Variants in KLHL2 observed in about 807,000 individuals in gnomAD.
The protein encoded by KLHL2 is kelch-like protein 2.
Under a neutral mutation model 75.8 loss-of-function variants are expected in KLHL2, and 15 were observed. That is an observed-to-expected ratio of 0.20 (90% CI 0.13 to 0.30). KLHL2 has a LOEUF of 0.30. KLHL2 is among the 10% of genes least tolerant of loss of function. KLHL2 has a pLI of 1.00. For missense variants in KLHL2, 381 were observed against 741.0 expected (o/e 0.51, Z 5.64); for synonymous variants, 214 against 251.9 (o/e 0.85, Z 1.42).
Position 165,282,550 on chromosome 4 carries a change from A to C in KLHL2, c.545-11809A>C, listed in dbSNP as rs555987396. ...ATTTTTCGGTTCAGTGTTTTGAGAAAGACTGATGCACTAGAGCCCTGAATT... is the reference window on the plus strand; with the variant it reads ...ATTTTTCGGTTCAGTGTTTTGAGAACGACTGATGCACTAGAGCCCTGAATT... On this transcript the variant is annotated intron_variant, in intron 5 of 14. Transcript: ENST00000226725. Among the ~76,000 whole-genome samples, 43 of 152,282 alleles carry C rather than the reference A, an allele frequency of 2.8e-4. 1 individual carries two copies. The highest frequency in any genetic ancestry group is 1.8e-4 in the Non-Finnish European group (12 of 68,028).
rs542017064 is a variant in KLHL2 at position 165,300,809 on chromosome 4, G to A, written c.921+1153G>A. ...TTAAGAAATAAGAATCTGTTCTCTC[G>A]TTTTCTTATATCATCTTCAGTTATT... On this transcript the variant is annotated intron_variant, in intron 8 of 14. Coordinates refer to ENST00000226725, the MANE Select transcript of KLHL2 (RefSeq NM_007246.4). Among the ~76,000 whole-genome samples the A allele has an allele frequency of 8.6e-5, 13 of 151,962 alleles. No homozygotes were observed. In the East Asian group the frequency reaches 9.7e-4, roughly 11 times the overall value.
At chr4:165,280,509 C>T (rs566841852) in intron 5 of KLHL2, among the ~76,000 whole-genome samples, 19 of 152,292 alleles carry the variant, frequency 1.2e-4, no homozygotes, top group African/African-American at 2.9e-4. Flanking sequence ...TTTTAATAAT[C>T]GTATTGCTAG....
rs999917770 is a variant in KLHL2 at position 165,305,805 on chromosome 4, G to A, written c.1039+80G>A. The A allele has an allele frequency of 2.5e-5, 24 of 969,698 alleles. No individual in the cohort carries two copies. The African/African-American group carries it at 3.9e-4, about 16-fold the overall frequency. The allele number at this position is 969,698 out of a possible 1,614,324, so 60.1% of individuals were successfully genotyped here. ...TTTTCAGGTCTTATTTTATTAATTA[G>A]AAAAATCTCTATCAAAAAAGCTTTG... On this transcript the variant is annotated intron_variant, in intron 9 of 14. Coordinates refer to ENST00000226725, the MANE Select transcript of KLHL2 (RefSeq NM_007246.4).
At chr4:165,307,264 C>CGT (rs1745806282) in intron 9 of KLHL2, among the ~76,000 whole-genome samples, 2 of 152,094 alleles carry the variant, frequency 1.3e-5, no homozygotes, top group Admixed American at 6.5e-5. Flanking sequence ...GCCAAGACCT[C>CGT]GCCACTGCAC....
chr4:165,227,443 G>T (rs1738525039), intron 2 of KLHL2, among the ~76,000 whole-genome samples: 1 of 152,166 alleles, frequency 6.6e-6, no homozygotes, highest in South Asian at 2.1e-4. Flanking sequence ...AAAACTTCAA[G>T]GACTTGGTCA....
In KLHL2 at chr4:165,207,963, C is replaced by A; in HGVS notation, c.26+61C>A. On this transcript the variant is annotated intron_variant, in intron 1 of 14. Transcript: ENST00000226725. The surrounding 1 kb of genome is among the most constrained non-coding windows in gnomAD (Gnocchi z 4.2). ...ATAAGCGCGCCGCTGCGGCGCGTGT[C>A]GCCGGCCGCGGGCGCAGCTCTGGGG... The A allele has an allele frequency of 8.1e-7, 1 of 1,239,752 alleles. No individual in the cohort carries two copies. Among genetic ancestry groups the A allele is most frequent in the Non-Finnish European group, 1.0e-6 (1 of 983,612 alleles). 76.8% of individuals were successfully genotyped at this position (1,239,752 alleles called of 1,614,324 possible).
At chr4:165,301,467 A>G (rs1024921369) in intron 8 of KLHL2, among the ~76,000 whole-genome samples, 2 of 152,232 alleles carry the variant, frequency 1.3e-5, no homozygotes, top group Non-Finnish European at 2.9e-5. Context: ...CAGTAAGTAC[A>G]TTAGCTAGTT....
intron 14 of KLHL2, chr4:165,321,248 C>T (rs1046447283): frequency 2.2e-6 from 1 of 455,700 alleles, no homozygotes; most frequent in Admixed American, 2.4e-5. Context: ...CCTCCTCCAC[C>T]TCTTCTGCCT....
At chr4:165,290,665 G>A (rs754665511) in intron 5 of KLHL2, among the ~76,000 whole-genome samples, 11 of 152,054 alleles carry the variant, frequency 7.2e-5, no homozygotes, top group Non-Finnish European at 1.3e-4. Context: ...AATCATGATG[G>A]CTTTTTAAAA....
chr4:165,296,331 G>C (rs747919905), intron 6 of KLHL2, among the ~76,000 whole-genome samples: 15 of 152,224 alleles, frequency 9.9e-5, no homozygotes, highest in Non-Finnish European at 1.6e-4. Context: ...AACTTGCATG[G>C]GTTTCTCATG....
chr4:165,240,559 G>T (rs1160979550), intron 4 of KLHL2: 2 of 150,788 alleles, frequency 1.3e-5, no homozygotes, highest in Non-Finnish European at 2.9e-5. Flanking sequence ...TTTTAACATG[G>T]AAGAAAGTGT....
intron 1 of KLHL2, among the ~76,000 whole-genome samples, chr4:165,218,143 A>G (rs941175796): frequency 1.3e-5 from 2 of 152,188 alleles, no homozygotes; most frequent in Non-Finnish European, 2.9e-5. Flanking sequence ...ATCCTGCTAA[A>G]TAGTTGCCCC....
chr4:165,232,537 C>T (rs921594873), intron 3 of KLHL2, among the ~76,000 whole-genome samples: 1 of 151,836 alleles, frequency 6.6e-6, no homozygotes, highest in South Asian at 2.1e-4. Context: ...TCTAAACCAG[C>T]CTGGGAGAAA....
At chr4:165,213,997 A>G (rs1178486796) in intron 1 of KLHL2, among the ~76,000 whole-genome samples, 1 of 152,184 alleles carries the variant, frequency 6.6e-6, no homozygotes, top group East Asian at 1.9e-4. Context: ...CATCAGACAT[A>G]TTTGTGAAAT....
intron 4 of KLHL2, among the ~76,000 whole-genome samples, chr4:165,250,123 C>CA (rs55913995): frequency 0.33 from 44,282 of 134,392 alleles, 6,727 homozygotes; most frequent in African/African-American, 0.38. Context: ...GACTCCGTCT[C>CA]AAAAAAAAAA....
chr4:165,215,943 T>G (rs1327312591), intron 1 of KLHL2, among the ~76,000 whole-genome samples: 1 of 152,158 alleles, frequency 6.6e-6, no homozygotes. Context: ...ACTCTTCATG[T>G]GAGAAGGGGT....
chr4:165,269,939 A>G (rs926728472), intron 5 of KLHL2, among the ~76,000 whole-genome samples: 1 of 152,126 alleles, frequency 6.6e-6, no homozygotes, highest in African/African-American at 2.4e-5. Flanking sequence ...CATTCTCCCC[A>G]TAACTCTCCG....
At chr4:165,300,725 T>G (rs1162468960) in intron 8 of KLHL2, among the ~76,000 whole-genome samples, 1 of 152,218 alleles carries the variant, frequency 6.6e-6, no homozygotes, top group Non-Finnish European at 1.5e-5. Context: ...ACTCATAATA[T>G]AAAGACTTTA....
intron 7 of KLHL2, among the ~76,000 whole-genome samples, chr4:165,299,069 G>A (rs964348822): frequency 4.0e-5 from 6 of 151,214 alleles, no homozygotes; most frequent in Admixed American, 3.3e-4. Flanking sequence ...ATCTCTTTTT[G>A]GGATATTTTA....
Sources: allele counts gnomAD v4.1 joint callset (sites outside exome capture counted in the v4.1 genomes callset), GRCh38; gene constraint gnomAD v4.1.1; non-coding constraint Gnocchi (gnomAD v3.1); transcripts MANE v1.5; gene names NCBI Gene and HGNC (gene_info 2026-07-23, HGNC 2026-07-21).